LIPJ: variants seen among roughly 807,000 people sequenced by gnomAD.
LIPJ encodes lipase family member J, also known as lipase member J.
A neutral mutation model predicts 39.8 loss-of-function variants in LIPJ; 33 were observed. That is an observed-to-expected ratio of 0.83 (90% CI 0.63 to 1.11). LIPJ has a LOEUF of 1.11. LIPJ is among the 50% of genes least tolerant of loss of function. The pLI is 0.00. For missense variants in LIPJ, 422 were observed against 427.9 expected (o/e 0.99, Z 0.12); for synonymous variants, 128 against 139.2 (o/e 0.92, Z 0.57).
Position 88,602,404 on chromosome 10 carries a change from G to A in LIPJ, c.724-172G>A, listed in dbSNP as rs112278043. Among the ~76,000 whole-genome samples, 211 of 151,872 alleles carry A rather than the reference G, an allele frequency of 1.4e-3. 1 individual carries two copies. Among genetic ancestry groups the A allele is most frequent in the African/African-American group, 4.9e-3 (202 of 41,454 alleles). On this transcript the variant is annotated intron_variant, in intron 8 of 10. Transcript: ENST00000371939. The stretch of plus-strand genomic sequence containing the variant: ...TAGCTTCTATATTAATTTAAAAATT[G>A]TACAATTGAATAAGTATATTTAATT...
At chr10:88,609,034 T>G (rs1851719986), downstream of LIPJ, among the ~76,000 whole-genome samples, 1 of 152,200 alleles carries the variant, frequency 6.6e-6, no homozygotes, top group African/African-American at 2.4e-5. Context: ...TTTGAGCCGC[T>G]TGTTCAGGCC....
intron 8 of LIPJ, among the ~76,000 whole-genome samples, chr10:88,601,670 T>C (rs962714864): frequency 3.9e-5 from 6 of 152,246 alleles, no homozygotes; most frequent in African/African-American, 1.4e-4. Context: ...GTGGTTGCTT[T>C]ACAATTTCTG....
At chr10:88,603,808 GTAAT>G (rs1183229535) in intron 9 of LIPJ, among the ~76,000 whole-genome samples, 1 of 152,148 alleles carries the variant, frequency 6.6e-6, no homozygotes, top group Non-Finnish European at 1.5e-5. Flanking sequence ...AATCTATAAT[GTAAT>G]TGATTTGATA....
At chr10:88,621,488 T>C in the LIPJ span, among the ~76,000 whole-genome samples, 4 of 152,162 alleles carry the variant, frequency 2.6e-5, no homozygotes, top group Admixed American at 2.0e-4. Flanking sequence ...AAAAGTTCAA[T>C]TGTTACCAGA....
intron 10 of LIPJ, among the ~76,000 whole-genome samples, chr10:88,606,457 G>C (rs893304599): frequency 2.0e-5 from 3 of 152,088 alleles, no homozygotes; most frequent in East Asian, 3.8e-4. Context: ...AGAACAAACT[G>C]TCTAGTTTAG....
At chr10:88,594,673 T>C (rs76589440) in exon 6 of LIPJ, 16,133 of 1,505,710 alleles carry the variant, frequency 0.011, 443 homozygotes, top group South Asian at 0.077. Context: ...GTAGTTTTGA[T>C]GAGATGGCAA....
At chr10:88,593,663 A>T in intron 4 of LIPJ, 1 of 245,694 alleles carries the variant, frequency 4.1e-6, no homozygotes, top group East Asian at 8.4e-5. Context: ...TGAGTGCTTG[A>T]ATTACTATAA....
chr10:88,596,026 CAT>C (rs1336656106), intron 6 of LIPJ, among the ~76,000 whole-genome samples: 1 of 151,538 alleles, frequency 6.6e-6, no homozygotes, highest in Admixed American at 6.6e-5. Context: ...TATGGCATTA[CAT>C]GTCTGATTTA....
intron 8 of LIPJ, among the ~76,000 whole-genome samples, chr10:88,597,854 T>C (rs1033083341): frequency 6.6e-6 from 1 of 151,996 alleles, no homozygotes; most frequent in African/African-American, 2.4e-5. Context: ...GGAAGAATCA[T>C]AAATACAATG....
At chr10:88,610,344 G>A (rs188679380), downstream of LIPJ, among the ~76,000 whole-genome samples, 160 of 152,134 alleles carry the variant, frequency 1.1e-3, 1 homozygote, top group East Asian at 8.7e-3. Context: ...ATGTACTAGC[G>A]TCATCAATTG....
chr10:88,613,899 T>G, the LIPJ span, among the ~76,000 whole-genome samples: 1 of 147,038 alleles, frequency 6.8e-6, no homozygotes, highest in Admixed American at 6.8e-5. Flanking sequence ...TATGTAAAAA[T>G]TATATAAAAA....
the LIPJ span, among the ~76,000 whole-genome samples, chr10:88,612,883 G>T: frequency 6.6e-6 from 1 of 151,960 alleles, no homozygotes; most frequent in African/African-American, 2.4e-5. Context: ...TATGACAAAC[G>T]TATTTAACAG....
At chr10:88,595,220 T>C (rs1281429685) in intron 6 of LIPJ, among the ~76,000 whole-genome samples, 1 of 151,782 alleles carries the variant, frequency 6.6e-6, no homozygotes, top group Non-Finnish European at 1.5e-5. Context: ...AGGAAATTCT[T>C]TCTATATTTA....
At chr10:88,615,237 A>T in the LIPJ span, among the ~76,000 whole-genome samples, 2 of 152,232 alleles carry the variant, frequency 1.3e-5, no homozygotes, top group Non-Finnish European at 2.9e-5. Flanking sequence ...GATTTTAAAA[A>T]TACAGACAAG....
chr10:88,604,149 A>G (rs1851586723), intron 9 of LIPJ, among the ~76,000 whole-genome samples: 1 of 152,226 alleles, frequency 6.6e-6, no homozygotes, highest in Admixed American at 6.5e-5. Flanking sequence ...GAGTAGGGAA[A>G]AGGTATTAGG....
chr10:88,595,575 A>C (rs1447771600), intron 6 of LIPJ, among the ~76,000 whole-genome samples: 1 of 151,668 alleles, frequency 6.6e-6, no homozygotes. Context: ...CTATTCAATT[A>C]TTTAAAACCA....
chr10:88,610,603 A>C (rs1413112585), downstream of LIPJ, among the ~76,000 whole-genome samples: 1 of 152,184 alleles, frequency 6.6e-6, no homozygotes, highest in Admixed American at 6.5e-5. Context: ...ATTTTAAAAA[A>C]TTTTATAGAA....
chr10:88,594,207 CAATAA>C, intron 5 of LIPJ, 63 bp downstream of exon 5: 1 of 1,225,342 alleles, frequency 8.2e-7, no homozygotes, highest in Non-Finnish European at 1.1e-6. Flanking sequence ...ATTTTGAATG[CAATAA>C]AATAAAATTT....
upstream of LIPJ, chr10:88,583,057 C>T (rs1196581502): frequency 6.2e-7 from 1 of 1,606,910 alleles, no homozygotes; most frequent in Non-Finnish European, 8.5e-7. Context: ...CAGGTTTTGG[C>T]GTTTAGACAA....
Sources: gnomAD v4.1 joint callset for allele counts (sites outside exome capture counted in the v4.1 genomes callset) on GRCh38, gnomAD v4.1.1 for gene constraint, MANE v1.5 for transcripts, NCBI Gene and HGNC (gene_info 2026-07-23, HGNC 2026-07-21) for gene names.